Variants in MCCC1 observed in about 807,000 individuals in gnomAD.
The protein encoded by MCCC1 is methylcrotonyl-CoA carboxylase subunit 1, also known as methylcrotonoyl-CoA carboxylase subunit alpha, mitochondrial.
A neutral mutation model predicts 83.8 loss-of-function variants in MCCC1; 64 were observed. That is an observed-to-expected ratio of 0.76 (90% CI 0.62 to 0.94). MCCC1 has a LOEUF of 0.94. MCCC1 is among the 40% of genes least tolerant of loss of function. The pLI, the probability that MCCC1 is intolerant of heterozygous loss-of-function variation, is 0.00. For missense variants in MCCC1, 807 were observed against 904.7 expected (o/e 0.89, Z 1.39); for synonymous variants, 322 against 315.4 (o/e 1.02, Z -0.22).
chr3:183,069,675 C>T (rs961471440), intron 7 of MCCC1, among the ~76,000 whole-genome samples: 12 of 152,246 alleles, frequency 7.9e-5, no homozygotes, highest in Admixed American at 5.9e-4. Context: ...AGTCTGTTAC[C>T]TTCAAGGTAA....
chr3:183,104,063 C>A (rs1242323469), upstream of MCCC1, among the ~76,000 whole-genome samples: 3 of 152,196 alleles, frequency 2.0e-5, no homozygotes, highest in East Asian at 1.9e-4. Context: ...CAAGCCTACG[C>A]CCACCCGGAA....
chr3:183,070,880 G>A, intron 7 of MCCC1, 119 bp downstream of exon 7: 2 of 1,227,274 alleles, frequency 1.6e-6, no homozygotes, highest in African/African-American at 1.5e-5. Flanking sequence ...GGACAGAACT[G>A]GGAAACTTGT....
In MCCC1 at chr3:183,088,204, T is replaced by TTGTTG. The variant is rs888177293; in HGVS notation, c.274-1417_274-1416insCAACA. ...AAATGTTTTGTTGTTGTTGTTGTTG[T>TTGTTG]TGTGTGTTTTTTTTTTTTTTTGAGG... On this transcript the variant is annotated intron_variant, in intron 3 of 18. Transcript: ENST00000265594. Among the ~76,000 whole-genome samples the TTGTTG allele has an allele frequency of 5.8e-3, 872 of 149,134 alleles. 7 individuals are homozygous for TTGTTG. Among genetic ancestry groups the TTGTTG allele is most frequent in the African/African-American group, 0.02 (833 of 41,074 alleles).
chr3:183,081,489 G>A (rs980243647), intron 4 of MCCC1, among the ~76,000 whole-genome samples: 4 of 152,206 alleles, frequency 2.6e-5, no homozygotes, highest in African/African-American at 9.6e-5. Flanking sequence ...CCCTCAAGCA[G>A]AGTTTGACAA....
At chr3:183,081,765 A>G (rs987323940) in intron 4 of MCCC1, among the ~76,000 whole-genome samples, 6 of 152,214 alleles carry the variant, frequency 3.9e-5, no homozygotes, top group African/African-American at 1.4e-4. Flanking sequence ...AATGCTGTTC[A>G]GGGGCTCTTG....
At chr3:183,026,755 G>A (rs1482804009) in intron 14 of MCCC1, among the ~76,000 whole-genome samples, 2 of 152,136 alleles carry the variant, frequency 1.3e-5, no homozygotes, top group Non-Finnish European at 2.9e-5. Flanking sequence ...GTTTTTGGTT[G>A]AGAATGGAAT....
intron 9 of MCCC1, among the ~76,000 whole-genome samples, 196 bp from the exon 10 acceptor site, chr3:183,045,736 C>T (rs1714508320): frequency 6.6e-6 from 1 of 152,130 alleles, no homozygotes; most frequent in Non-Finnish European, 1.5e-5. Flanking sequence ...TGAAATTTGG[C>T]AACGGAAAAG....
At chr3:183,092,074 A>G (rs558102944) in intron 3 of MCCC1, among the ~76,000 whole-genome samples, 2 of 152,256 alleles carry the variant, frequency 1.3e-5, no homozygotes, top group South Asian at 4.1e-4. Context: ...AAAAAAAAGA[A>G]TAGAGCCTGG....
At chr3:183,039,707 T>A (rs1165667851) in intron 11 of MCCC1, among the ~76,000 whole-genome samples, 1 of 152,050 alleles carries the variant, frequency 6.6e-6, no homozygotes, top group African/African-American at 2.4e-5. Context: ...ATGGTTCAAG[T>A]AGAAAGGATG....
Position 183,106,081 on chromosome 3 carries a change from TA to T in MCCC1, c.-102+9392del, listed in dbSNP as rs563718218. On this transcript the variant is annotated intron_variant, in intron 1 of 17. Coordinates refer to the MCCC1 transcript ENST00000492597. Reference sequence around the variant, plus strand: ...TCCAGCCTGAGCAACAGAGAGTCCGTAAAAAAAAAAAAAAAGACTACCAAAA... The same window carrying T: ...TCCAGCCTGAGCAACAGAGAGTCCGTAAAAAAAAAAAAAAGACTACCAAAA... 6.9e-4 allele frequency among the ~76,000 whole-genome samples: 70 copies of T among 101,060 alleles called. 1 individual carries two copies. The highest frequency in any genetic ancestry group is 1.4e-3 in the Admixed American group (13 of 9,418). The allele number at this position is 101,060 out of a possible 152,430, so 66.3% of individuals were successfully genotyped here. A position where few individuals can be genotyped will look rare whatever the true frequency, so the allele number is the denominator to read the frequency against.
chr3:183,077,008 C>G (rs1176473619), intron 4 of MCCC1, among the ~76,000 whole-genome samples: 2 of 152,132 alleles, frequency 1.3e-5, no homozygotes, highest in East Asian at 3.9e-4. Context: ...GTGACTGGCT[C>G]TGTCACTGAA....
At chr3:183,063,238 T>A (rs1715987803) in intron 7 of MCCC1, among the ~76,000 whole-genome samples, 1 of 152,132 alleles carries the variant, frequency 6.6e-6, no homozygotes, top group Non-Finnish European at 1.5e-5. Flanking sequence ...CACCTCAGCC[T>A]CCCAAAGTGC....
intron 3 of MCCC1, among the ~76,000 whole-genome samples, chr3:183,091,525 G>A (rs146366441): frequency 2.6e-5 from 4 of 152,134 alleles, no homozygotes; most frequent in Non-Finnish European, 5.9e-5. Flanking sequence ...CCAAGAACAC[G>A]CCACTACACT....
chr3:183,015,565 T>G lies in MCCC1; in HGVS notation c.2051A>C (p.His684Pro). ...GCCATCCTTTGGAGACTTTATGGTA[T>G]GCTGCAGAGACACATGACAGGACAA... ...LMVMIAMKME[H>P]TIKSPKDGTV... The change falls in exon 19 of 19, where the codon CAT becomes CCT. Residue 684 changes from histidine (H) to proline (P), a missense_variant and splice_region_variant. Physicochemically the swap from His to Pro is moderately conservative, Grantham distance 77. Transcript: ENST00000265594. The G allele has an allele frequency of 6.2e-7, 1 of 1,614,200 alleles. No homozygotes were observed. Among genetic ancestry groups the G allele is most frequent in the South Asian group, 1.1e-5 (1 of 91,086 alleles).
At chr3:183,089,913 G>A (rs1260825218) in intron 3 of MCCC1, among the ~76,000 whole-genome samples, 1 of 152,176 alleles carries the variant, frequency 6.6e-6, no homozygotes, top group Non-Finnish European at 1.5e-5. Flanking sequence ...TTTGGTACCT[G>A]TGACAATATT....
intron 1 of MCCC1, among the ~76,000 whole-genome samples, 180 bp from the exon 2 acceptor site, chr3:183,094,785 T>C (rs1718620539): frequency 6.6e-6 from 1 of 152,220 alleles, no homozygotes; most frequent in African/African-American, 2.4e-5. Flanking sequence ...CTGGCTGTTT[T>C]CCCTCGTACT....
At position 183,078,272 on chromosome 3, in the gene MCCC1, G is replaced by A. The variant is rs545714869; in HGVS notation, c.370-5785C>T. Among the ~76,000 whole-genome samples, 25 of 152,190 alleles carry A rather than the reference G, an allele frequency of 1.6e-4. No individual in the cohort carries two copies. The South Asian group carries it at 5.0e-3, about 30-fold the overall frequency. On this transcript the variant is annotated intron_variant, in intron 4 of 18. Coordinates refer to ENST00000265594, the MANE Select transcript of MCCC1 (RefSeq NM_020166.5). ...TGACCTCAAGTGATCTGCCCACCTT[G>A]GTCTCCCAAAATGCTGGGGATTACA...
chr3:183,108,786 C>T (rs1719446084), intron 1 of MCCC1, among the ~76,000 whole-genome samples: 2 of 152,168 alleles, frequency 1.3e-5, no homozygotes, highest in African/African-American at 4.8e-5. Context: ...CCATCATCCT[C>T]GCACTTGCTC....
chr3:183,099,081 A>T (rs1026043114), intron 1 of MCCC1: 22 of 573,460 alleles, frequency 3.8e-5, no homozygotes, highest in Admixed American at 1.2e-4. Flanking sequence ...AGCCTGGAGG[A>T]TGGCGGGCCC....
Sources: allele counts gnomAD v4.1 joint callset (sites outside exome capture counted in the v4.1 genomes callset), GRCh38; gene constraint gnomAD v4.1.1; transcripts MANE v1.5; gene names NCBI Gene and HGNC (gene_info 2026-07-23, HGNC 2026-07-21).